The following KCNN2 variants were observed in gnomAD, a reference collection of about 807,000 sequenced individuals.
KCNN2 encodes potassium calcium-activated channel subfamily N member 2.
In KCNN2, 24 loss-of-function variants were observed where a neutral mutation model predicts 55.5. That is an observed-to-expected ratio of 0.43 (90% confidence interval 0.31 to 0.61). The LOEUF is 0.61. Among genes scored for constraint, KCNN2 ranks in the 20% least tolerant of loss-of-function variants. The probability of loss-of-function intolerance (pLI) is 0.08; values close to 1 mark genes in which losing one functional copy is unlikely to be tolerated. For missense variants in KCNN2, 754 were observed against 853.6 expected, an observed-to-expected ratio of 0.88 and a Z score of 1.45; for synonymous variants, 431 against 336.1, an observed-to-expected ratio of 1.28 and a Z score of -3.09.
chr5:114,162,065 G>T (rs1752798070), intron 1 of KCNN2, among the ~76,000 whole-genome samples: 1 of 152,204 alleles, frequency 6.6e-6, no homozygotes, highest in East Asian at 1.9e-4. Context: ...TCCTTTGGAG[G>T]AGGAGGGGTG....
At chr5:114,315,856 C>T (rs569164) in intron 2 of KCNN2, among the ~76,000 whole-genome samples, 17,586 of 151,926 alleles carry the variant, frequency 0.12, 1,158 homozygotes, top group African/African-American at 0.17. Context: ...TGTGGAGTGA[C>T]CTTATTGGAA....
At chr5:114,483,558 G>A (rs1762323767) in intron 5 of KCNN2, among the ~76,000 whole-genome samples, 1 of 152,082 alleles carries the variant, frequency 6.6e-6, no homozygotes, top group South Asian at 2.1e-4. Context: ...TTACAAACAT[G>A]AGCCACAGCA....
At chr5:114,493,518 A>C in intron 7 of KCNN2, 46 bp downstream of exon 7, 2 of 1,270,982 alleles carry the variant, frequency 1.6e-6, no homozygotes, top group South Asian at 2.4e-5. Context: ...TGTTGAAATC[A>C]ACCACTTCAC....
chr5:114,200,769 G>A lies in KCNN2; in HGVS notation c.-270-20711G>A, dbSNP rs6885218. ...ATAGTTGCCGTAGTGTGATATTTGC[G>A]TGAGTTCTTTGGCAGTGGTCAGTGG... On this transcript the variant is annotated intron_variant, in intron 1 of 10. Transcript: ENST00000512097. Among the ~76,000 whole-genome samples, 238 of 152,082 alleles carry A rather than the reference G, an allele frequency of 1.6e-3. 1 individual carries two copies. The highest frequency in any genetic ancestry group is 5.1e-3 in the African/African-American group (213 of 41,470).
rs1175914658 is a variant in KCNN2 at position 114,294,103 on chromosome 5, CT to C, written c.-184-66841del. 3.3e-5 allele frequency among the ~76,000 whole-genome samples: 5 copies of C among 152,106 alleles called. 1 individual carries two copies. The highest frequency in any genetic ancestry group is 3.3e-4 in the Admixed American group (5 of 15,282). ...TCTCTTTTTTTCTTTATTAGTCTTG[CT>C]AGCGGTCTATCAATTTTGTTGATCT... On this transcript the variant is annotated intron_variant, in intron 2 of 10. Coordinates refer to the KCNN2 transcript ENST00000512097.
At chr5:114,407,904 A>G (rs1270897232) in intron 3 of KCNN2, among the ~76,000 whole-genome samples, 1 of 152,198 alleles carries the variant, frequency 6.6e-6, no homozygotes, top group African/African-American at 2.4e-5. Flanking sequence ...TCTCCAGATA[A>G]TAGATTTTCA....
intron 6 of KCNN2, 57 bp from the exon 7 acceptor site, chr5:114,493,346 G>T (rs769100982): frequency 4.9e-6 from 5 of 1,018,110 alleles, no homozygotes; most frequent in Non-Finnish European, 6.3e-6. Flanking sequence ...TCTTTGGAAG[G>T]CATAAGATTG....
At chr5:114,280,979 A>T (rs1755611804) in intron 2 of KCNN2, among the ~76,000 whole-genome samples, 1 of 151,830 alleles carries the variant, frequency 6.6e-6, no homozygotes, top group Non-Finnish European at 1.5e-5. Flanking sequence ...TTGCCGTTAT[A>T]TTTGATATTT....
At chr5:114,434,014 G>GT (rs1759907991) in intron 3 of KCNN2, 1 of 152,100 alleles carries the variant, frequency 6.6e-6, no homozygotes, top group Non-Finnish European at 1.5e-5. Flanking sequence ...TATTAGTATA[G>GT]TTGTATTATT....
intron 3 of KCNN2, among the ~76,000 whole-genome samples, chr5:114,409,225 T>A (rs1032612423): frequency 2.0e-5 from 3 of 152,178 alleles, no homozygotes; most frequent in East Asian, 1.9e-4. Context: ...GAAAAAAAAA[T>A]TATTAACCAG....
At chr5:114,373,657 T>TATATATATATATAC (rs1175218618) in intron 2 of KCNN2, among the ~76,000 whole-genome samples, 1 of 117,626 alleles carries the variant, frequency 8.5e-6, no homozygotes, top group African/African-American at 3.0e-5. Flanking sequence ...TATATATATA[T>TATATATATATATAC]AAAATTACTT....
At chr5:114,079,706 G>C (rs1750762105) in intron 1 of KCNN2, among the ~76,000 whole-genome samples, 1 of 152,128 alleles carries the variant, frequency 6.6e-6, no homozygotes, top group Non-Finnish European at 1.5e-5. Context: ...TAGGCACTTA[G>C]TAAGTGTTTA....
intron 2 of KCNN2, among the ~76,000 whole-genome samples, chr5:114,347,453 T>C (rs182153046): frequency 1.3e-5 from 2 of 152,352 alleles, no homozygotes; most frequent in Admixed American, 6.5e-5. Context: ...GTGCTTTATG[T>C]GTTCTCCAAA....
At chr5:114,162,223 C>G (rs960163427) in intron 1 of KCNN2, among the ~76,000 whole-genome samples, 1 of 152,204 alleles carries the variant, frequency 6.6e-6, no homozygotes, top group African/African-American at 2.4e-5. Context: ...TTCTGACAGT[C>G]AGGACCCTCA....
chr5:114,362,722 CA>C lies in KCNN2; in HGVS notation c.584del (p.Gln195ArgfsTer17), dbSNP rs1757469666. Reference protein sequence around the residue: ...HHHHPHPAHHQHHQPQARRES... With the variant: ...HHHHPHPAHHXHHQPQARRES... ...CCACCACCCGCACCCGGCGCACCAC[CA>C]GCACCACCAGCCCCAGGCGCGCCGC... is the stretch of plus-strand genomic sequence containing the variant. On this transcript the variant is annotated frameshift_variant, in exon 1 of 8. Transcript: ENST00000673685. LOFTEE classifies it high-confidence loss of function. 3 of 1,514,838 alleles carry C rather than the reference CA, an allele frequency of 2.0e-6. No individual in the cohort carries two copies. Among genetic ancestry groups the C allele is most frequent in the Non-Finnish European group, 1.8e-6 (2 of 1,139,844 alleles). The allele number at this position is 1,514,838 out of a possible 1,614,324, so 93.8% of individuals were successfully genotyped here.
At chr5:114,218,471 A>C (rs1464671659) in intron 1 of KCNN2, among the ~76,000 whole-genome samples, 5 of 152,216 alleles carry the variant, frequency 3.3e-5, no homozygotes, top group Non-Finnish European at 7.3e-5. Context: ...CATATTACTA[A>C]ACTGAAGAAT....
chr5:114,172,357 T>C (rs1042335985), intron 1 of KCNN2, among the ~76,000 whole-genome samples: 6 of 151,790 alleles, frequency 4.0e-5, no homozygotes, highest in African/African-American at 1.2e-4. Context: ...AATTATACTA[T>C]TACCTGTTAA....
chr5:114,190,613 C>G (rs1439415370), intron 1 of KCNN2, among the ~76,000 whole-genome samples: 2 of 152,042 alleles, frequency 1.3e-5, no homozygotes, highest in African/African-American at 2.4e-5. Flanking sequence ...CCACTGTATT[C>G]TGTATCTACA....
intron 2 of KCNN2, among the ~76,000 whole-genome samples, chr5:114,272,284 C>G (rs1419175633): frequency 6.6e-6 from 1 of 150,544 alleles, no homozygotes; most frequent in Non-Finnish European, 1.5e-5. Context: ...ATATCACACA[C>G]ACATATATGT....
Sources: allele counts gnomAD v4.1 joint callset (sites outside exome capture counted in the v4.1 genomes callset), GRCh38; gene constraint gnomAD v4.1.1; transcripts MANE v1.5; gene names NCBI Gene and HGNC (gene_info 2026-07-23, HGNC 2026-07-21).